The following PDE4D variants were observed in gnomAD, a reference collection of about 807,000 sequenced individuals.
PDE4D encodes the protein phosphodiesterase 4D.
In PDE4D, 24 loss-of-function variants were observed where a neutral mutation model predicts 87.4. The ratio of observed to expected loss-of-function variants is 0.27; its 90% CI spans 0.20 to 0.39. The LOEUF is 0.39. Ranked by LOEUF, PDE4D falls within the 10% of genes least tolerant of loss-of-function variation. The probability of loss-of-function intolerance (pLI) is 1.00; values close to 1 mark genes in which losing one functional copy is unlikely to be tolerated. For missense variants in PDE4D, 714 were observed against 1,041.0 expected (o/e 0.69, Z 4.32); for synonymous variants, 384 against 383.2 (o/e 1.00, Z -0.02).
rs1742444668 is a variant in PDE4D, at chr5:58,970,638, ATAGATGGG to A, written c.*4018_*4025del. 1 of 152,176 alleles carries A rather than the reference ATAGATGGG, an allele frequency of 6.6e-6. No homozygotes were observed. Among genetic ancestry groups the A allele is most frequent in the African/African-American group, 2.4e-5 (1 of 41,442 alleles). The allele number at this position is 152,176 out of a possible 1,614,324, so 9.4% of individuals were successfully genotyped here. On this transcript the variant is annotated 3_prime_UTR_variant, in exon 15 of 15. Transcript: ENST00000340635. Reference sequence around the variant, plus strand: ...GACATCAACCCACCTTTGCGTTTAAATAGATGGGTTTACATATATGTAAGGACATTTGG... The same window carrying A: ...GACATCAACCCACCTTTGCGTTTAAATTTACATATATGTAAGGACATTTGG...
At chr5:60,508,970 G>A (rs1363601221) in intron 1 of PDE4D, among the ~76,000 whole-genome samples, 2 of 151,630 alleles carry the variant, frequency 1.3e-5, no homozygotes, top group Non-Finnish European at 2.9e-5. Context: ...CATGATCTCG[G>A]TTCACTGCAA....
intron 5 of PDE4D, among the ~76,000 whole-genome samples, chr5:59,059,162 TTACTTCA>T (rs1400097778): frequency 6.6e-6 from 1 of 152,198 alleles, no homozygotes; most frequent in African/African-American, 2.4e-5. Context: ...ACAAATTAAA[TTACTTCA>T]TACTTTTAGG....
intron 1 of PDE4D, among the ~76,000 whole-genome samples, chr5:59,571,926 T>C (rs1462525462): frequency 6.6e-6 from 1 of 152,250 alleles, no homozygotes. Context: ...AAATATTTCA[T>C]AAATTCCAGA....
intron 3 of PDE4D, among the ~76,000 whole-genome samples, chr5:59,928,528 A>C (rs538032314): frequency 6.6e-6 from 1 of 152,102 alleles, no homozygotes; most frequent in Non-Finnish European, 1.5e-5. Context: ...CAGTGAGCCG[A>C]GATTGTGCCT....
At chr5:59,388,591 T>C (rs1787567226) in intron 1 of PDE4D, among the ~76,000 whole-genome samples, 1 of 148,220 alleles carries the variant, frequency 6.7e-6, no homozygotes, top group Non-Finnish European at 1.5e-5. Flanking sequence ...TCAACCTAAG[T>C]GTTCATCAAC....
At chr5:58,977,926 A>C (rs138447580) in intron 11 of PDE4D, among the ~76,000 whole-genome samples, 5 of 152,124 alleles carry the variant, frequency 3.3e-5, no homozygotes, top group Non-Finnish European at 5.9e-5. Context: ...TATACTGTAC[A>C]GGGATATTGC....
chr5:59,490,435 G>C (rs141248391), intron 1 of PDE4D, among the ~76,000 whole-genome samples: 65 of 152,154 alleles, frequency 4.3e-4, no homozygotes, highest in African/African-American at 1.5e-3. Context: ...AGAGTCTTAT[G>C]AGATAAATAT....
chr5:60,221,199 A>T (rs1225607145), intron 1 of PDE4D, among the ~76,000 whole-genome samples: 1 of 152,096 alleles, frequency 6.6e-6, no homozygotes, highest in Non-Finnish European at 1.5e-5. Flanking sequence ...AAACACAATC[A>T]ATTTACAAAA....
At chr5:60,074,069 T>C (rs1588266) in intron 2 of PDE4D, among the ~76,000 whole-genome samples, 44,705 of 151,920 alleles carry the variant, frequency 0.29, 7,330 homozygotes, top group East Asian at 0.74. Flanking sequence ...TCTGATAGTT[T>C]TGGGGTTGGT....
chr5:59,191,919 T>G (rs1744413651), intron 3 of PDE4D, among the ~76,000 whole-genome samples: 1 of 152,150 alleles, frequency 6.6e-6, no homozygotes, highest in African/African-American at 2.4e-5. Flanking sequence ...TTATAAGATT[T>G]TGCTATCACA....
At chr5:59,211,360 A>G (rs1468419550) in intron 2 of PDE4D, among the ~76,000 whole-genome samples, 1 of 152,152 alleles carries the variant, frequency 6.6e-6, no homozygotes, top group Non-Finnish European at 1.5e-5. Flanking sequence ...AATTTAGCCT[A>G]GTGCTATATA....
At chr5:59,146,153 A>C (rs1327706001) in intron 5 of PDE4D, among the ~76,000 whole-genome samples, 1 of 152,148 alleles carries the variant, frequency 6.6e-6, no homozygotes, top group African/African-American at 2.4e-5. Flanking sequence ...ACATATATAC[A>C]TACACACCCA....
chr5:59,096,689 T>C (rs1769784428), intron 5 of PDE4D, among the ~76,000 whole-genome samples: 2 of 152,138 alleles, frequency 1.3e-5, no homozygotes, highest in African/African-American at 4.8e-5. Context: ...TCTTCTGATA[T>C]CAGGCATCAG....
chr5:59,192,537 G>GA (rs1488329975), intron 3 of PDE4D, among the ~76,000 whole-genome samples: 1 of 151,686 alleles, frequency 6.6e-6, no homozygotes, highest in East Asian at 1.9e-4. Context: ...TCTACCAGTT[G>GA]AAAAAAAAGA....
At chr5:59,123,501 T>C (rs1214301960) in intron 5 of PDE4D, among the ~76,000 whole-genome samples, 1 of 152,232 alleles carries the variant, frequency 6.6e-6, no homozygotes, top group African/African-American at 2.4e-5. Context: ...CAATTATTTG[T>C]TCCTACATTG....
At chr5:59,698,427 G>A (rs751232870) in intron 1 of PDE4D, among the ~76,000 whole-genome samples, 21 of 151,892 alleles carry the variant, frequency 1.4e-4, no homozygotes, top group Non-Finnish European at 2.4e-4. Flanking sequence ...TCTGGCATGA[G>A]CGCTTTAAAA....
In PDE4D at chr5:59,061,584, G is replaced by A. The variant is rs554577924; in HGVS notation, c.809-22613C>T. Among the ~76,000 whole-genome samples, 7 of 152,066 alleles carry A rather than the reference G, an allele frequency of 4.6e-5. No individual in the cohort carries two copies. The South Asian group carries it at 1.2e-3, about 27-fold the overall frequency. ...GTATAACATCCACTACAGTTACCAG[G>A]GGACCCAATTTTCATAAATTGCTCC... On this transcript the variant is annotated intron_variant, in intron 5 of 14. Coordinates refer to ENST00000340635, the MANE Select transcript of PDE4D (RefSeq NM_001104631.2).
At chr5:59,989,130 A>G (rs1038650823) in intron 2 of PDE4D, among the ~76,000 whole-genome samples, 6 of 147,768 alleles carry the variant, frequency 4.1e-5, no homozygotes, top group Non-Finnish European at 7.5e-5. Flanking sequence ...ACACACACAT[A>G]CAGTTATGCA....
chr5:59,070,696 T>G (rs1471543428), intron 5 of PDE4D, among the ~76,000 whole-genome samples: 1 of 152,186 alleles, frequency 6.6e-6, no homozygotes, highest in Admixed American at 6.5e-5. Context: ...TTCTTGAAAA[T>G]TCTTGTCTTT....
Sources: allele counts gnomAD v4.1 joint callset (sites outside exome capture counted in the v4.1 genomes callset), GRCh38; gene constraint gnomAD v4.1.1; transcripts MANE v1.5; gene names NCBI Gene and HGNC (gene_info 2026-07-23, HGNC 2026-07-21).